Variants in CD6 observed in about 807,000 individuals in gnomAD.
CD6 encodes T-cell differentiation antigen CD6.
CD6 carries 53 observed loss-of-function variants against 75.3 expected under a neutral mutation model. That is an observed-to-expected ratio of 0.70 (90% CI 0.56 to 0.88). The LOEUF (loss-of-function observed/expected upper bound fraction) is 0.88, where lower values mean the gene tolerates loss of function less well. Among genes scored for constraint, CD6 ranks in the 40% least tolerant of loss-of-function variants. The pLI, the probability that CD6 is intolerant of heterozygous loss-of-function variation, is 0.00. For missense variants in CD6, 770 were observed against 897.1 expected (o/e 0.86, Z 1.81); for synonymous variants, 359 against 381.5 (o/e 0.94, Z 0.69).
intron 1 of CD6, among the ~76,000 whole-genome samples, chr11:60,994,383 G>A (rs1858199695): frequency 6.9e-6 from 1 of 145,272 alleles, no homozygotes; most frequent in Admixed American, 7.1e-5. Context: ...GGAGGTTGCA[G>A]TAAGCCGAGA....
At chr11:60,998,499 G>T (rs1258408070) in intron 1 of CD6, among the ~76,000 whole-genome samples, 1 of 152,188 alleles carries the variant, frequency 6.6e-6, no homozygotes, top group African/African-American at 2.4e-5. Flanking sequence ...GTTAATGATA[G>T]AAATCAACTG....
In CD6 at chr11:61,012,032, C is replaced by G. The variant is rs577124375; in HGVS notation, c.1150+897C>G. Among the ~76,000 whole-genome samples, 10 of 152,334 alleles carry G rather than the reference C, an allele frequency of 6.6e-5. No homozygotes were observed. In the South Asian group the frequency reaches 2.1e-3, roughly 32 times the overall value. On this transcript the variant is annotated intron_variant, in intron 6 of 12. Transcript: ENST00000313421. ...TTCAGGCATTGAGCCCCTTTGCAGT[C>G]CTGGGATACCCACAGGACTCCCTTG...
intron 1 of CD6, among the ~76,000 whole-genome samples, chr11:60,998,628 A>AT (rs1256924027): frequency 6.6e-6 from 1 of 152,082 alleles, no homozygotes; most frequent in Non-Finnish European, 1.5e-5. Flanking sequence ...TTCCCTGGGA[A>AT]TGAGTATGGC....
intron 1 of CD6, among the ~76,000 whole-genome samples, chr11:60,994,637 A>C (rs1408096572): frequency 6.6e-6 from 1 of 152,012 alleles, no homozygotes. Context: ...CCTGTAACAT[A>C]ATACCAAATA....
At position 61,007,114 on chromosome 11, in the gene CD6, A is replaced by G. The variant is rs1858899123; in HGVS notation, c.119-446A>G. ...CAACCCCATGGCCAGCCGCTTCACA[A>G]TCCTCCAAGGTTCCCTAGTCACTGT... is the stretch of plus-strand genomic sequence containing the variant. On this transcript the variant is annotated intron_variant, in intron 2 of 12. Transcript: ENST00000313421. The surrounding 1 kb of genome is among the most constrained non-coding windows in gnomAD (Gnocchi z 4.2). 6.6e-6 allele frequency among the ~76,000 whole-genome samples: 1 copy of G among 151,980 alleles called. No individual in the cohort carries two copies. Among genetic ancestry groups the G allele is most frequent in the Admixed American group, 6.6e-5 (1 of 15,260 alleles).
intron 1 of CD6, among the ~76,000 whole-genome samples, chr11:60,979,817 G>A (rs1276689777): frequency 6.6e-6 from 1 of 152,072 alleles, no homozygotes; most frequent in African/African-American, 2.4e-5. Context: ...TGAGTACCAG[G>A]CCCTGTGCTG....
At chr11:61,002,282 G>A (rs1050623181) in intron 1 of CD6, among the ~76,000 whole-genome samples, 2 of 152,198 alleles carry the variant, frequency 1.3e-5, no homozygotes, top group Non-Finnish European at 2.9e-5. Flanking sequence ...ACTGGGTGCG[G>A]TGGCTCACAC....
chr11:61,000,037 G>T (rs949800453), intron 1 of CD6, among the ~76,000 whole-genome samples: 18 of 152,084 alleles, frequency 1.2e-4, no homozygotes, highest in Admixed American at 1.1e-3. Flanking sequence ...GGGCAACAGA[G>T]GGAGAGTGAG....
chr11:61,014,108 C>T, intron 8 of CD6, 94 bp downstream of exon 8: 1 of 869,314 alleles, frequency 1.2e-6, no homozygotes, highest in Non-Finnish European at 1.8e-6. Context: ...CCAAGACGTA[C>T]ACACAGCTGG....
In CD6 at chr11:60,991,125, C is replaced by CTTTCT. The variant is rs199673142; in HGVS notation, c.50-15435_50-15431dup. Among the ~76,000 whole-genome samples the CTTTCT allele has an allele frequency of 5.5e-5, 8 of 144,806 alleles. No homozygotes were observed. The South Asian group carries it at 6.7e-4, about 12-fold the overall frequency. 95.0% of individuals were successfully genotyped at this position (144,806 alleles called of 152,430 possible). A position where few individuals can be genotyped will look rare whatever the true frequency, so the allele number is the denominator to read the frequency against. On this transcript the variant is annotated intron_variant, in intron 1 of 12. Coordinates refer to ENST00000313421, the MANE Select transcript of CD6 (RefSeq NM_006725.5). ...ATCAGCCATTTCCTTTTCTTTCTTT[C>CTTTCT]TTTCTTTTCTTTTCTTTTTCTTTCT... is the stretch of plus-strand genomic sequence containing the variant.
chr11:60,988,557 C>T (rs1857918385), intron 1 of CD6, among the ~76,000 whole-genome samples: 1 of 152,204 alleles, frequency 6.6e-6, no homozygotes, highest in African/African-American at 2.4e-5. Context: ...GTGAGCGTAG[C>T]TGCCAGGGCC....
chr11:61,009,309 T>A (rs2074227), intron 4 of CD6, among the ~76,000 whole-genome samples: 1 of 151,860 alleles, frequency 6.6e-6, no homozygotes, highest in African/African-American at 2.4e-5. Context: ...ATTCAGTAGG[T>A]CTGAGGCAGA....
In CD6 at chr11:61,007,870, G is replaced by T; in HGVS notation, c.429G>T (p.Ala143=). 1 of 1,386,168 alleles carries T rather than the reference G, an allele frequency of 7.2e-7. No individual in the cohort carries two copies. Among genetic ancestry groups the T allele is most frequent in the Non-Finnish European group, 9.3e-7 (1 of 1,076,466 alleles). The allele number at this position is 1,386,168 out of a possible 1,614,324, so 85.9% of individuals were successfully genotyped here. Residue 143 remains alanine, a synonymous_variant, in exon 3 of 13, where the codon GCG becomes GCT. Transcript: ENST00000313421. This position sits in a 1 kb window ranked among gnomAD's most constrained non-coding sequence, Gnocchi z 4.2. ...EWRLCEVVEH[A]CRSDGRRARV... is the part of the protein sequence containing the mutation. ...GGCTCTGCGAGGTGGTGGAGCACGC[G>T]TGCCGCAGCGACGGGAGGCGGGCCC...
Position 61,017,760 on chromosome 11 carries a change from A to G in CD6, c.1584A>G (p.Gly528=). ...ACCATTCTCCCTTTCCTGCCTTAGG[A>G]CTTGAAGAGTTGCATGCCTCCCACA... ...SRFQMPPLEE[G]LEELHASHIP... is the part of the protein sequence containing the mutation. The change falls in exon 11 of 13, where the codon GGA becomes GGG. Residue 528 remains glycine (G), a splice_region_variant and synonymous_variant. Coordinates refer to ENST00000313421, the MANE Select transcript of CD6 (RefSeq NM_006725.5). 2.5e-6 allele frequency: 4 copies of G among 1,613,868 alleles called. No individual in the cohort carries two copies. Among genetic ancestry groups the G allele is most frequent in the Middle Eastern group, 1.6e-4 (1 of 6,062 alleles).
Position 61,017,758 on chromosome 11 carries a change from G to A in CD6, c.1583-1G>A, listed in dbSNP as rs1438637353. 2.5e-6 allele frequency: 4 copies of A among 1,613,924 alleles called. No individual in the cohort carries two copies. Among genetic ancestry groups the A allele is most frequent in the Non-Finnish European group, 3.4e-6 (4 of 1,180,016 alleles). Reference sequence around the variant, plus strand: ...TCACCATTCTCCCTTTCCTGCCTTAGGACTTGAAGAGTTGCATGCCTCCCA... The same window carrying A: ...TCACCATTCTCCCTTTCCTGCCTTAAGACTTGAAGAGTTGCATGCCTCCCA... On this transcript the variant is annotated splice_acceptor_variant, in intron 10 of 12. Coordinates refer to ENST00000313421, the MANE Select transcript of CD6 (RefSeq NM_006725.5). LOFTEE classifies it high-confidence loss of function.
chr11:60,984,833 G>A (rs941638377), intron 1 of CD6, among the ~76,000 whole-genome samples: 1 of 152,214 alleles, frequency 6.6e-6, no homozygotes, highest in Admixed American at 6.5e-5. Flanking sequence ...CGGAGGCCCT[G>A]AGGCAGGAAT....
chr11:61,007,837 C>T lies in CD6; in HGVS notation c.396C>T (p.Ala132=). Residue 132 remains alanine (A), a synonymous_variant, in exon 3 of 13, where the codon GCC becomes GCT. Coordinates refer to ENST00000313421, the MANE Select transcript of CD6 (RefSeq NM_006725.5). The surrounding 1 kb of genome is among the most constrained non-coding windows in gnomAD (Gnocchi z 4.2). The stretch of plus-strand genomic sequence containing the variant: ...CGCCCGCCCTCCTGTGCAGCGGCGC[C>T]GAGTGGCGGCTCTGCGAGGTGGTGG... ...AGAPALLCSG[A]EWRLCEVVEH... The T allele has an allele frequency of 7.0e-7, 1 of 1,426,630 alleles. No homozygotes were observed. The allele number at this position is 1,426,630 out of a possible 1,614,324, so 88.4% of individuals were successfully genotyped here. A position where few individuals can be genotyped will look rare whatever the true frequency, so the allele number is the denominator to read the frequency against.
chr11:61,007,807 CG>C lies in CD6; in HGVS notation c.370del (p.Ala124ArgfsTer105). ...GCGTAGCAGCTAATGCCACTCTGGC[CG>C]GGGCGCCCGCCCTCCTGTGCAGCGG... ...TSVAANATLA[G>X]APALLCSGAE... is the part of the protein sequence containing the mutation. On this transcript the variant is annotated frameshift_variant, in exon 3 of 13. Transcript: ENST00000313421. LOFTEE classifies it high-confidence loss of function. This position sits in a 1 kb window ranked among gnomAD's most constrained non-coding sequence, Gnocchi z 4.2. 1 of 1,472,962 alleles carries C rather than the reference CG, an allele frequency of 6.8e-7. No homozygotes were observed. 91.2% of individuals were successfully genotyped at this position (1,472,962 alleles called of 1,614,324 possible).
At chr11:61,000,620 A>C (rs995567316) in intron 1 of CD6, among the ~76,000 whole-genome samples, 2 of 152,182 alleles carry the variant, frequency 1.3e-5, no homozygotes, top group African/African-American at 4.8e-5. Flanking sequence ...TTGCTCTGAC[A>C]CTGGGCTGGC....
Sources: allele counts gnomAD v4.1 joint callset (sites outside exome capture counted in the v4.1 genomes callset), GRCh38; gene constraint gnomAD v4.1.1; non-coding constraint Gnocchi (gnomAD v3.1); transcripts MANE v1.5; gene names NCBI Gene and HGNC (gene_info 2026-07-23, HGNC 2026-07-21).